The following GDAP1 variants were observed in gnomAD, a reference collection of about 807,000 sequenced individuals.
GDAP1 encodes the protein ganglioside-induced differentiation-associated protein 1.
A neutral mutation model predicts 40.1 loss-of-function variants in GDAP1; 34 were observed. The observed-to-expected ratio is 0.85, with a 90% confidence interval of 0.64 to 1.13. The LOEUF (loss-of-function observed/expected upper bound fraction) is 1.13, where lower values mean the gene tolerates loss of function less well. Ranked by LOEUF, GDAP1 falls within the 50% of genes most tolerant of loss-of-function variation. GDAP1 has a pLI of 0.00. For missense variants in GDAP1, 374 were observed against 433.7 expected (o/e 0.86, Z 1.22); for synonymous variants, 170 against 157.4 (o/e 1.08, Z -0.60).
chr8:74,364,928 C>G lies in GDAP1; in HGVS notation c.*561C>G, dbSNP rs80136809. On this transcript the variant is annotated 3_prime_UTR_variant, in exon 6 of 6. Coordinates refer to ENST00000220822, the MANE Select transcript of GDAP1 (RefSeq NM_018972.4). ...TGCTCATTGGAACACATCTGCCTAG[C>G]ATTTCTGTAAAAGTCTTAAGTGATA... 4,067 of 454,136 alleles carry G rather than the reference C, an allele frequency of 9.0e-3. 170 individuals carry two copies. Among genetic ancestry groups the G allele is most frequent in the Admixed American group, 0.075 (3,198 of 42,576 alleles). 28.1% of individuals were successfully genotyped at this position (454,136 alleles called of 1,614,324 possible).
chr8:74,477,747 G>C (rs964862784), intron 2 of GDAP1, among the ~76,000 whole-genome samples: 1 of 152,158 alleles, frequency 6.6e-6, no homozygotes, highest in Admixed American at 6.5e-5. Context: ...CAGTGGCAGT[G>C]GAATCTGTCT....
At chr8:74,369,617 T>TTG (rs750701676), downstream of GDAP1, among the ~76,000 whole-genome samples, 39 of 118,534 alleles carry the variant, frequency 3.3e-4, no homozygotes, top group East Asian at 1.0e-3. Flanking sequence ...GGGCAGGAAA[T>TTG]TGTGTGTGTG....
intron 2 of GDAP1, among the ~76,000 whole-genome samples, chr8:74,434,571 A>G (rs1042408601): frequency 2.6e-5 from 4 of 152,234 alleles, no homozygotes; most frequent in African/African-American, 7.2e-5. Context: ...AGGAACAGAC[A>G]AAGTATGGCA....
At chr8:74,391,840 C>G (rs1393857322) in intron 2 of GDAP1, among the ~76,000 whole-genome samples, 1 of 151,710 alleles carries the variant, frequency 6.6e-6, no homozygotes. Context: ...TTTTTTGAGG[C>G]AGAATTTCGC....
intron 2 of GDAP1, among the ~76,000 whole-genome samples, chr8:74,457,785 A>G (rs1314071942): frequency 6.6e-6 from 1 of 152,140 alleles, no homozygotes; most frequent in African/African-American, 2.4e-5. Flanking sequence ...AATGACCACA[A>G]TCACCCAGAT....
rs1449714600 is a variant in GDAP1, at chr8:74,364,203, C to T, written c.913C>T (p.Leu305=). ...CAACAATATATTAATCTCTGCAGTG[C>T]TGCCAACAGCATTCCGGGTGGCCAA... The part of the protein sequence containing the change: ...HVNNILISAV[L]PTAFRVAKKR... The change falls in exon 6 of 6, where the codon CTG becomes TTG. Residue 305 remains leucine, a synonymous_variant. Coordinates refer to ENST00000220822, the MANE Select transcript of GDAP1 (RefSeq NM_018972.4). 12 of 1,614,114 alleles carry T rather than the reference C, an allele frequency of 7.4e-6. No homozygotes were observed. Among genetic ancestry groups the T allele is most frequent in the Non-Finnish European group, 1.0e-5 (12 of 1,179,952 alleles).
chr8:74,406,940 T>C (rs1805648479), intron 2 of GDAP1, among the ~76,000 whole-genome samples: 1 of 149,928 alleles, frequency 6.7e-6, no homozygotes, highest in South Asian at 2.1e-4. Flanking sequence ...TTAGAATGGC[T>C]GTTAATCAGG....
chr8:74,414,837 T>C (rs1364097900), intron 2 of GDAP1, among the ~76,000 whole-genome samples: 1 of 149,706 alleles, frequency 6.7e-6, no homozygotes, highest in Non-Finnish European at 1.5e-5. Flanking sequence ...AGAAACTCCA[T>C]GAACCCCAAG....
chr8:74,363,580 A>G (rs1809475727), intron 5 of GDAP1, among the ~76,000 whole-genome samples: 1 of 152,212 alleles, frequency 6.6e-6, no homozygotes, highest in Non-Finnish European at 1.5e-5. Flanking sequence ...AATGACTAAG[A>G]GCAGTAGCCA....
intron 2 of GDAP1, among the ~76,000 whole-genome samples, chr8:74,483,249 A>C (rs1050370043): frequency 1.6e-4 from 25 of 152,180 alleles, no homozygotes; most frequent in Admixed American, 9.8e-4. Context: ...AAATGCTCAG[A>C]GTTTATATTC....
At chr8:74,428,226 C>T (rs529679840) in intron 2 of GDAP1, among the ~76,000 whole-genome samples, 451 of 29,172 alleles carry the variant, frequency 0.015, no homozygotes, top group African/African-American at 0.036. Context: ...GACCCCATTG[C>T]TAACAACAAC....
intron 2 of GDAP1, among the ~76,000 whole-genome samples, chr8:74,472,973 C>T (rs922667590): frequency 2.6e-5 from 4 of 152,090 alleles, no homozygotes; most frequent in African/African-American, 9.7e-5. Flanking sequence ...TGACACTGAA[C>T]TCATGGACTC....
At chr8:74,442,778 G>A (rs1243338257) in intron 2 of GDAP1, among the ~76,000 whole-genome samples, 1 of 152,168 alleles carries the variant, frequency 6.6e-6, no homozygotes, top group African/African-American at 2.4e-5. Flanking sequence ...CAGTAGCAAA[G>A]GAAGGTTGCA....
chr8:74,472,160 G>A (rs529782885), intron 2 of GDAP1, among the ~76,000 whole-genome samples: 6 of 152,116 alleles, frequency 3.9e-5, no homozygotes, highest in African/African-American at 1.4e-4. Flanking sequence ...TCATCATTTA[G>A]CTCCCACTTA....
chr8:74,374,912 T>C (rs1809825635), intron 2 of GDAP1, among the ~76,000 whole-genome samples: 1 of 152,328 alleles, frequency 6.6e-6, no homozygotes, highest in East Asian at 1.9e-4. Context: ...AATTCTATCA[T>C]GTATGAAGTG....
Position 74,451,186 on chromosome 8 carries a change from A to C in GDAP1, c.166-37492A>C, listed in dbSNP as rs868312177. On this transcript the variant is annotated intron_variant, in intron 2 of 2. Transcript: ENST00000523640. Reference sequence around the variant, plus strand: ...ATTAAGAGGCTGGGCATGGTAGCTCATGCCTGTAATCCTAGCACTTTAGGG... The same window carrying C: ...ATTAAGAGGCTGGGCATGGTAGCTCCTGCCTGTAATCCTAGCACTTTAGGG... Among the ~76,000 whole-genome samples the C allele has an allele frequency of 1.4e-3, 121 of 83,832 alleles. 49 individuals are homozygous for C. Among genetic ancestry groups the C allele is most frequent in the African/African-American group, 6.0e-3 (116 of 19,218 alleles). 55.0% of individuals were successfully genotyped at this position (83,832 alleles called of 152,430 possible).
chr8:74,377,096 A>G (rs1809867228), intron 2 of GDAP1, among the ~76,000 whole-genome samples: 2 of 152,224 alleles, frequency 1.3e-5, no homozygotes, highest in Non-Finnish European at 1.5e-5. Context: ...AACTAAAACT[A>G]TAAAAGTTCT....
chr8:74,436,127 T>C (rs1192005041), intron 2 of GDAP1, among the ~76,000 whole-genome samples: 2 of 152,206 alleles, frequency 1.3e-5, no homozygotes, highest in Admixed American at 1.3e-4. Flanking sequence ...GGTTGCCTGT[T>C]TGCTCCCAAT....
intron 2 of GDAP1, among the ~76,000 whole-genome samples, chr8:74,375,239 A>C (rs577085399): frequency 4.6e-5 from 7 of 152,178 alleles, no homozygotes; most frequent in South Asian, 2.1e-4. Context: ...AGGCAAGAGA[A>C]TCTCTTGAAC....
Sources: gnomAD v4.1 joint callset for allele counts (sites outside exome capture counted in the v4.1 genomes callset) on GRCh38, gnomAD v4.1.1 for gene constraint, MANE v1.5 for transcripts, NCBI Gene and HGNC (gene_info 2026-07-23, HGNC 2026-07-21) for gene names.